The following DNAH17 variants were observed in gnomAD, a reference collection of about 807,000 sequenced individuals.
DNAH17 encodes axonemal beta dynein heavy chain 17.
A neutral mutation model predicts 485.6 loss-of-function variants in DNAH17; 376 were observed. The observed-to-expected ratio is 0.77, with a 90% CI of 0.71 to 0.84. The LOEUF is 0.84. Among genes scored for constraint, DNAH17 ranks in the 40% least tolerant of loss-of-function variants. The probability of loss-of-function intolerance (pLI) is 0.00; values close to 1 mark genes in which losing one functional copy is unlikely to be tolerated. For synonymous variants in DNAH17, 3,031 were observed against 2,405.9 expected (o/e 1.26, Z -7.60); for missense variants, 6,370 against 5,839.3 (o/e 1.09, Z -2.96).
In DNAH17 at chr17:78,558,239, T is replaced by TCA. The variant is rs1480039976; in HGVS notation, c.2045_2046dup (p.Arg683Ter). On this transcript the variant is annotated frameshift_variant, in exon 14 of 81. Coordinates refer to ENST00000389840, the MANE Select transcript of DNAH17 (RefSeq NM_173628.4). LOFTEE classifies it high-confidence loss of function. ...TGGAAATTCAAATACTTGACTTCTC[T>TCA]CAGAACTGCCACCAACTAAATGACA... 2 of 1,613,552 alleles carry TCA rather than the reference T, an allele frequency of 1.2e-6. No homozygotes were observed. The highest frequency in any genetic ancestry group is 1.7e-6 in the Non-Finnish European group (2 of 1,179,774).
At chr17:78,427,994 G>T (rs535743973) in intron 77 of DNAH17, among the ~76,000 whole-genome samples, 3 of 148,238 alleles carry the variant, frequency 2.0e-5, no homozygotes, top group African/African-American at 7.4e-5. Flanking sequence ...AAAAAGTGGA[G>T]GTACCCAGGA....
chr17:78,458,260 T>TGG (rs1177754844), intron 62 of DNAH17, among the ~76,000 whole-genome samples: 2 of 152,326 alleles, frequency 1.3e-5, no homozygotes, highest in Admixed American at 6.5e-5. Flanking sequence ...GAAAGGATCC[T>TGG]GGAAGCCACG....
At chr17:78,508,006 T>C (rs1000107046) in intron 27 of DNAH17, among the ~76,000 whole-genome samples, 4 of 152,080 alleles carry the variant, frequency 2.6e-5, no homozygotes, top group African/African-American at 9.7e-5. Flanking sequence ...TCTGTCCATA[T>C]AATGGAACAT....
At chr17:78,520,859 A>G (rs118185754) in intron 25 of DNAH17, among the ~76,000 whole-genome samples, 3,227 of 152,348 alleles carry the variant, frequency 0.021, 54 homozygotes, top group Non-Finnish European at 0.033. Context: ...TTATTTTTTT[A>G]TAAGCATAAC....
At chr17:78,433,568 T>A (rs557145099) in intron 75 of DNAH17, among the ~76,000 whole-genome samples, 100 of 152,240 alleles carry the variant, frequency 6.6e-4, no homozygotes, top group Non-Finnish European at 1.4e-3. Flanking sequence ...TTTTTGTCCC[T>A]CCTGCTCCAA....
rs529346098 is a variant in DNAH17 at position 78,476,606 on chromosome 17, C to T, written c.8120G>A (p.Arg2707Lys). ...VDEKDQETLH[R>K]VTMASTKKFF... Reference sequence around the variant, plus strand: ...CTTCTTGGTGGAGGCCATGGTGACTCTATGCAATGTTTCCTGGTCTTTTTC... The same window carrying T: ...CTTCTTGGTGGAGGCCATGGTGACTTTATGCAATGTTTCCTGGTCTTTTTC... The change falls in exon 52 of 81, where the codon AGA (arginine) becomes AAA (lysine). Residue 2707 changes from arginine to lysine, a missense_variant. By Grantham distance (26) the Arg-to-Lys change is conservative. Coordinates refer to ENST00000389840, the MANE Select transcript of DNAH17 (RefSeq NM_173628.4). The T allele has an allele frequency of 3.7e-6, 6 of 1,611,408 alleles. No homozygotes were observed. In the African/African-American group the frequency reaches 8.0e-5, roughly 21 times the overall value.
intron 21 of DNAH17, among the ~76,000 whole-genome samples, 166 bp from the exon 22 acceptor site, chr17:78,529,860 C>A (rs982276424): frequency 6.6e-6 from 1 of 152,166 alleles, no homozygotes; most frequent in African/African-American, 2.4e-5. Context: ...CCCTCCAGCT[C>A]ACTCAGCCCC....
chr17:78,431,134 C>T (rs1350842372), intron 75 of DNAH17, among the ~76,000 whole-genome samples: 1 of 152,226 alleles, frequency 6.6e-6, no homozygotes, highest in Non-Finnish European at 1.5e-5. Flanking sequence ...CTGCCTCGGC[C>T]TCCCACAGTG....
intron 71 of DNAH17, among the ~76,000 whole-genome samples, chr17:78,442,297 G>A (rs1231766707): frequency 2.0e-5 from 3 of 152,194 alleles, no homozygotes; most frequent in Non-Finnish European, 4.4e-5. Flanking sequence ...GCCGGCTATT[G>A]CCTGTCCATG....
intron 69 of DNAH17, among the ~76,000 whole-genome samples, chr17:78,446,326 C>G (rs989788694): frequency 3.3e-5 from 5 of 152,176 alleles, no homozygotes; most frequent in African/African-American, 1.2e-4. Flanking sequence ...GAAGCAGCCA[C>G]TCCCCATCGC....
chr17:78,567,064 C>T lies in DNAH17; in HGVS notation c.1387G>A (p.Glu463Lys). 6.2e-7 allele frequency: 1 copy of T among 1,613,794 alleles called. No individual in the cohort carries two copies. Among genetic ancestry groups the T allele is most frequent in the Non-Finnish European group, 8.5e-7 (1 of 1,179,808 alleles). ...LGSLVTRIYD[E>K]VFELVKVFAD... ...AAAACCTTCACCAGCTCAAAGACCTCATCATAGATACGGGTCACCAGGCTC... is the reference window on the plus strand; with the variant it reads ...AAAACCTTCACCAGCTCAAAGACCTTATCATAGATACGGGTCACCAGGCTC... The change falls in exon 10 of 81, where the codon GAG (glutamate) becomes AAG (lysine). Residue 463 changes from glutamate (E) to lysine (K), a missense_variant. Physicochemically the swap from Glu to Lys is moderately conservative, Grantham distance 56. Transcript: ENST00000389840.
intron 2 of DNAH17, among the ~76,000 whole-genome samples, 187 bp downstream of exon 2, chr17:78,574,526 C>T (rs1400280854): frequency 6.6e-6 from 1 of 151,838 alleles, no homozygotes; most frequent in Non-Finnish European, 1.5e-5. Flanking sequence ...AATTTAAAAA[C>T]CAAAAGCAAG....
rs1189320873 is a variant in DNAH17, at chr17:78,437,664, T to C, written c.12010A>G (p.Lys4004Glu). The C allele has an allele frequency of 3.7e-6, 6 of 1,610,602 alleles. No homozygotes were observed. The highest frequency in any genetic ancestry group is 5.1e-6 in the Non-Finnish European group (6 of 1,178,734). The change falls in exon 74 of 81, where the codon AAG (lysine) becomes GAG (glutamate). Residue 4004 changes from lysine to glutamate, a missense_variant. Lys to Glu is a moderately conservative substitution (Grantham distance 56). Transcript: ENST00000389840. ...PPTGMHANLHKALDLFTQDTL... is the reference protein window; with the variant it reads ...PPTGMHANLHEALDLFTQDTL... ...ACCTGGGTGAACAGGTCCAGGGCCT[T>C]GTGCAAGTTGGCGTGCATGCCCGTG... is the stretch of plus-strand genomic sequence containing the variant.
rs17655792 is a variant in DNAH17 at position 78,514,956 on chromosome 17, T to C, written c.3931A>G (p.Ile1311Val). ...TCCTTGGCAAACTTCTTACAATCTATGTCCATCTGCTCAACGTTGATATCT... is the reference window on the plus strand; with the variant it reads ...TCCTTGGCAAACTTCTTACAATCTACGTCCATCTGCTCAACGTTGATATCT... Reference protein sequence around the residue: ...WKDINVEQMDIDCKKFAKDMR... With the variant: ...WKDINVEQMDVDCKKFAKDMR... Residue 1311 changes from isoleucine (I) to valine (V), a missense_variant, in exon 26 of 81, where the codon ATA becomes GTA. Physicochemically the swap from Ile to Val is conservative, Grantham distance 29. Coordinates refer to ENST00000389840, the MANE Select transcript of DNAH17 (RefSeq NM_173628.4). The C allele has an allele frequency of 0.024, 39,143 of 1,614,028 alleles. 578 individuals carry two copies. The highest frequency in any genetic ancestry group is 0.056 in the Middle Eastern group (340 of 6,062).
At chr17:78,425,756 C>CTTATTTTTTTTTTTTT (rs2086423006) in intron 79 of DNAH17, among the ~76,000 whole-genome samples, 185 bp from the exon 80 acceptor site, 1 of 120,770 alleles carries the variant, frequency 8.3e-6, no homozygotes, top group African/African-American at 3.8e-5. Flanking sequence ...TTGGTGTCTG[C>CTTATTTTTTTTTTTTT]TTTTTTTTTT....
intron 3 of DNAH17, 69 bp downstream of exon 3, chr17:78,572,632 G>T (rs1308172164): frequency 1.5e-6 from 2 of 1,362,372 alleles, no homozygotes; most frequent in South Asian, 2.8e-5. Context: ...GGAGTGGGGT[G>T]GGGGGTGGGG....
At chr17:78,507,003 G>A (rs1020213587) in intron 29 of DNAH17, among the ~76,000 whole-genome samples, 157 bp from the exon 30 acceptor site, 1 of 152,162 alleles carries the variant, frequency 6.6e-6, no homozygotes, top group South Asian at 2.1e-4. Flanking sequence ...GGAGGCTCTC[G>A]TTTCTTTGCC....
chr17:78,541,544 A>C (rs1012880212), intron 17 of DNAH17, among the ~76,000 whole-genome samples: 3 of 151,994 alleles, frequency 2.0e-5, no homozygotes, highest in Non-Finnish European at 4.4e-5. Flanking sequence ...CTTCAGCATA[A>C]GATAAAAAGA....
intron 32 of DNAH17, 21 bp from the exon 33 acceptor site, chr17:78,502,719 T>C (rs1190707570): frequency 5.0e-6 from 8 of 1,607,110 alleles, no homozygotes; most frequent in Non-Finnish European, 6.8e-6. Context: ...ATACCCCCCA[T>C]TGCCCACGCA....
Sources: gnomAD v4.1 joint callset for allele counts (sites outside exome capture counted in the v4.1 genomes callset) on GRCh38, gnomAD v4.1.1 for gene constraint, MANE v1.5 for transcripts, NCBI Gene and HGNC (gene_info 2026-07-23, HGNC 2026-07-21) for gene names.